PRELP: variants seen among roughly 807,000 people sequenced by gnomAD.
PRELP encodes proline and arginine rich end leucine rich repeat protein.
Under a neutral mutation model 22.8 loss-of-function variants are expected in PRELP, and 16 were observed. That is an observed-to-expected ratio of 0.70 (90% CI 0.47 to 1.06). The LOEUF (loss-of-function observed/expected upper bound fraction) is 1.06. Among genes scored for constraint, PRELP ranks in the 50% least tolerant of loss-of-function variants. PRELP has a pLI of 0.00. For synonymous variants in PRELP, 233 were observed against 211.4 expected (o/e 1.10, Z -0.89); for missense variants, 434 against 485.2 (o/e 0.89, Z 0.99).
At position 203,488,343 on chromosome 1, in the gene PRELP, ACC is replaced by A. The variant is rs1661133870; in HGVS notation, c.*1466_*1467del. 6.6e-6 allele frequency: 1 copy of A among 151,938 alleles called. No homozygotes were observed. Among genetic ancestry groups the A allele is most frequent in the East Asian group, 1.9e-4 (1 of 5,142 alleles). The allele number at this position is 151,938 out of a possible 1,614,324, so 9.4% of individuals were successfully genotyped here. A position where few individuals can be genotyped will look rare whatever the true frequency, so the allele number is the denominator to read the frequency against. ...AAACCACCCTGGGCAACATGGTGAA[ACC>A]CCCGTCTCTACTAAAATACAAAAAA... On this transcript the variant is annotated 3_prime_UTR_variant, in exon 3 of 3. Coordinates refer to ENST00000343110, the MANE Select transcript of PRELP (RefSeq NM_002725.4).
chr1:203,477,258 G>A (rs527808508), intron 1 of PRELP, among the ~76,000 whole-genome samples: 6 of 152,182 alleles, frequency 3.9e-5, no homozygotes, highest in Non-Finnish European at 5.9e-5. Flanking sequence ...GAGAATCAGG[G>A]GCCTGAGAGA....
chr1:203,490,909 A>T lies in PRELP; in HGVS notation c.*4028A>T, dbSNP rs148358463. On this transcript the variant is annotated 3_prime_UTR_variant, in exon 3 of 3. Transcript: ENST00000343110. ...ATAGCAGCACATCCTTGAGGAACTC[A>T]TACCTTGGTAAAGGGAAAGAAATCC... 1.3e-5 allele frequency: 2 copies of T among 152,372 alleles called. No individual in the cohort carries two copies. The highest frequency in any genetic ancestry group is 2.9e-5 in the Non-Finnish European group (2 of 68,044). The allele number at this position is 152,372 out of a possible 1,614,324, so 9.4% of individuals were successfully genotyped here.
Position 203,484,127 on chromosome 1 carries a change from C to T in PRELP, c.943C>T (p.His315Tyr), listed in dbSNP as rs752833483. 1.9e-6 allele frequency: 3 copies of T among 1,613,356 alleles called. 1 individual carries two copies. Among genetic ancestry groups the T allele is most frequent in the South Asian group, 2.2e-5 (2 of 91,068 alleles). Residue 315 changes from histidine (H) to tyrosine (Y), a missense_variant, in exon 2 of 3, where the codon CAC (histidine) becomes TAC (tyrosine). His to Tyr is a moderately conservative substitution (Grantham distance 83, BLOSUM62 2). Coordinates refer to ENST00000343110, the MANE Select transcript of PRELP (RefSeq NM_002725.4). The part of the protein sequence containing the change: ...SVPAINNRLE[H>Y]LYLNNNSIEK... ...GCCCGCCATCAACAACAGGCTGGAA[C>T]ACCTGTACCTCAACAACAATAGCAT...
At chr1:203,480,743 C>G (rs1340765902) in intron 1 of PRELP, among the ~76,000 whole-genome samples, 3 of 152,204 alleles carry the variant, frequency 2.0e-5, no homozygotes, top group African/African-American at 7.2e-5. Context: ...ATAACTTGCT[C>G]CTGGGAGCAT....
At chr1:203,482,819 G>A (rs1346476998) in intron 1 of PRELP, among the ~76,000 whole-genome samples, 12 of 151,386 alleles carry the variant, frequency 7.9e-5, no homozygotes, top group African/African-American at 2.7e-4. Flanking sequence ...GGATGGTCTC[G>A]ATCTCCTGAC....
chr1:203,476,918 CA>C (rs764606797), intron 1 of PRELP, among the ~76,000 whole-genome samples: 53 of 148,618 alleles, frequency 3.6e-4, no homozygotes, highest in Non-Finnish European at 7.1e-4. Flanking sequence ...TTTAGGTTGG[CA>C]AAAGGTCCTG....
chr1:203,486,727 G>T lies in PRELP; in HGVS notation c.995G>T (p.Cys332Phe), dbSNP rs568277712. ...GTAGAAATCAACGGAACCCAGATTT[G>T]CCCCAACGACCTAGTGGCGTTCCAT... The part of the protein sequence containing the change: ...SIEKINGTQI[C>F]PNDLVAFHDF... Residue 332 changes from cysteine to phenylalanine, a missense_variant, in exon 3 of 3, where the codon TGC (cysteine) becomes TTC (phenylalanine). Coordinates refer to ENST00000343110, the MANE Select transcript of PRELP (RefSeq NM_002725.4). 6.2e-7 allele frequency: 1 copy of T among 1,611,982 alleles called. No homozygotes were observed. Among genetic ancestry groups the T allele is most frequent in the Non-Finnish European group, 8.5e-7 (1 of 1,178,288 alleles).
At position 203,475,876 on chromosome 1, in the gene PRELP, GA is replaced by G. The variant is rs550980759; in HGVS notation, c.-77del. The G allele has an allele frequency of 3.2e-3, 485 of 153,164 alleles. 2 individuals are homozygous for G. The highest frequency in any genetic ancestry group is 5.8e-3 in the Non-Finnish European group (400 of 68,430). 9.5% of individuals were successfully genotyped at this position (153,164 alleles called of 1,614,324 possible). Reference sequence around the variant, plus strand: ...GGCTCTCTGCTGCCACAGCTCCGCCGAAGGGAGGGGGTGGAAGAGGAGGACT... The same window carrying G: ...GGCTCTCTGCTGCCACAGCTCCGCCGAGGGAGGGGGTGGAAGAGGAGGACT... On this transcript the variant is annotated 5_prime_UTR_variant, in exon 1 of 3. Transcript: ENST00000343110.
At chr1:203,478,391 C>T (rs554916816) in intron 1 of PRELP, among the ~76,000 whole-genome samples, 3 of 152,206 alleles carry the variant, frequency 2.0e-5, no homozygotes, top group Non-Finnish European at 2.9e-5. Flanking sequence ...TCTTCCCCAC[C>T]GCTCAGAATG....
At position 203,475,913 on chromosome 1, in the gene PRELP, C is replaced by G. The variant is rs1183266880; in HGVS notation, c.-42C>G. 1 of 152,984 alleles carries G rather than the reference C, an allele frequency of 6.5e-6. No individual in the cohort carries two copies. The highest frequency in any genetic ancestry group is 1.5e-5 in the Non-Finnish European group (1 of 68,336). The allele number at this position is 152,984 out of a possible 1,614,324, so 9.5% of individuals were successfully genotyped here. A position where few individuals can be genotyped will look rare whatever the true frequency, so the allele number is the denominator to read the frequency against. On this transcript the variant is annotated 5_prime_UTR_variant, in exon 1 of 3. Transcript: ENST00000343110. ...TGGAAGAGGAGGACTAAACTCAGAG[C>G]TGAGAGGAGAGGCAGGTGTGTGCAG...
In PRELP at chr1:203,484,100, G is replaced by A; in HGVS notation, c.916G>A (p.Val306Met). ...LHLSHNRISS[V>M]PAINNRLEHL... is the part of the protein sequence containing the mutation. ...CCTGTCCCACAACAGGATCAGCAGT[G>A]TGCCCGCCATCAACAACAGGCTGGA... Residue 306 changes from valine (V) to methionine (M), a missense_variant, in exon 2 of 3, where the codon GTG becomes ATG. By Grantham distance (21) the Val-to-Met change is conservative. Coordinates refer to ENST00000343110, the MANE Select transcript of PRELP (RefSeq NM_002725.4). The A allele has an allele frequency of 6.2e-7, 1 of 1,614,044 alleles. No individual in the cohort carries two copies. Among genetic ancestry groups the A allele is most frequent in the East Asian group, 2.2e-5 (1 of 44,878 alleles).
chr1:203,478,081 A>C (rs1051785979), intron 1 of PRELP, among the ~76,000 whole-genome samples: 1 of 152,182 alleles, frequency 6.6e-6, no homozygotes, highest in Non-Finnish European at 1.5e-5. Context: ...AAATAATATC[A>C]ACAAGACCTT....
Position 203,486,907 on chromosome 1 carries a change from C to G in PRELP, c.*26C>G, listed in dbSNP as rs931396239. The G allele has an allele frequency of 6.3e-7, 1 of 1,585,210 alleles. No individual in the cohort carries two copies. The highest frequency in any genetic ancestry group is 2.3e-5 in the East Asian group (1 of 43,828). On this transcript the variant is annotated 3_prime_UTR_variant, in exon 3 of 3. Coordinates refer to ENST00000343110, the MANE Select transcript of PRELP (RefSeq NM_002725.4). Reference sequence around the variant, plus strand: ...GCCCTACTCCGCCACCGGATCTGCTCTGACCGCACTTGAAGGCTGGGGCCC... The same window carrying G: ...GCCCTACTCCGCCACCGGATCTGCTGTGACCGCACTTGAAGGCTGGGGCCC...
rs1345146036 is a variant in PRELP at position 203,488,738 on chromosome 1, T to G, written c.*1857T>G. 1 of 152,164 alleles carries G rather than the reference T, an allele frequency of 6.6e-6. No homozygotes were observed. The highest frequency in any genetic ancestry group is 1.5e-5 in the Non-Finnish European group (1 of 68,070). 9.4% of individuals were successfully genotyped at this position (152,164 alleles called of 1,614,324 possible). A position where few individuals can be genotyped will look rare whatever the true frequency, so the allele number is the denominator to read the frequency against. ...GTGAGCAGCTTGGCAGGTCTCCAAG[T>G]GGAACCCGGTCCAGACAGGGCTGCC... On this transcript the variant is annotated 3_prime_UTR_variant, in exon 3 of 3. Transcript: ENST00000343110.
In PRELP at chr1:203,488,678, C is replaced by G. The variant is rs1196549194; in HGVS notation, c.*1797C>G. 1 of 152,224 alleles carries G rather than the reference C, an allele frequency of 6.6e-6. No individual in the cohort carries two copies. The highest frequency in any genetic ancestry group is 1.9e-4 in the East Asian group (1 of 5,188). The allele number at this position is 152,224 out of a possible 1,614,324, so 9.4% of individuals were successfully genotyped here. A position where few individuals can be genotyped will look rare whatever the true frequency, so the allele number is the denominator to read the frequency against. ...ATTTTCTGTATGGACTGTCCCTCCCCCAGAGGCTTCCCCACCCTCCATTGC... is the reference window on the plus strand; with the variant it reads ...ATTTTCTGTATGGACTGTCCCTCCCGCAGAGGCTTCCCCACCCTCCATTGC... On this transcript the variant is annotated 3_prime_UTR_variant, in exon 3 of 3. Transcript: ENST00000343110.
Position 203,483,961 on chromosome 1 carries a change from C to A in PRELP, c.777C>A (p.Asn259Lys), listed in dbSNP as rs370979066. The change falls in exon 2 of 3, where the codon AAC becomes AAA. Residue 259 changes from asparagine (N) to lysine (K), a missense_variant. Transcript: ENST00000343110. The surrounding 1 kb of genome is among the most constrained non-coding windows in gnomAD (Gnocchi z 4.4). ...LDSNKIETIP[N>K]GYFKSFPNLA... Reference sequence around the variant, plus strand: ...GTAACAAGATTGAGACCATCCCTAACGGATACTTCAAGAGCTTTCCCAATC... The same window carrying A: ...GTAACAAGATTGAGACCATCCCTAAAGGATACTTCAAGAGCTTTCCCAATC... The A allele has an allele frequency of 2.5e-6, 4 of 1,614,134 alleles. No homozygotes were observed. Among genetic ancestry groups the A allele is most frequent in the Admixed American group, 3.3e-5 (2 of 60,006 alleles).
chr1:203,487,010 G>A lies in PRELP; in HGVS notation c.*129G>A. On this transcript the variant is annotated 3_prime_UTR_variant, in exon 3 of 3. Transcript: ENST00000343110. ...TTTGCCTCCCTTATCCCACCCTCGA[G>A]GCAGGGAAAAGCCATCTATTCTTCT... 1 of 1,112,714 alleles carries A rather than the reference G, an allele frequency of 9.0e-7. No individual in the cohort carries two copies. The highest frequency in any genetic ancestry group is 1.2e-6 in the Non-Finnish European group (1 of 809,742). The allele number at this position is 1,112,714 out of a possible 1,614,324, so 68.9% of individuals were successfully genotyped here. A position where few individuals can be genotyped will look rare whatever the true frequency, so the allele number is the denominator to read the frequency against.
chr1:203,483,141 A>G lies in PRELP; in HGVS notation c.-16-28A>G. ...AACTAGTTACTGAGGGCCCAAGGAT[A>G]ATGACCTTATGTGTCTTCTCCCTGC... On this transcript the variant is annotated intron_variant, in intron 1 of 2. Coordinates refer to ENST00000343110, the MANE Select transcript of PRELP (RefSeq NM_002725.4). This position sits in a 1 kb window ranked among gnomAD's most constrained non-coding sequence, Gnocchi z 4.4. The G allele has an allele frequency of 6.7e-7, 1 of 1,485,542 alleles. No individual in the cohort carries two copies. Among genetic ancestry groups the G allele is most frequent in the Non-Finnish European group, 9.0e-7 (1 of 1,105,406 alleles). 92.0% of individuals were successfully genotyped at this position (1,485,542 alleles called of 1,614,324 possible).
Position 203,483,386 on chromosome 1 carries a change from T to G in PRELP, c.202T>G (p.Ser68Ala). The G allele has an allele frequency of 6.2e-7, 1 of 1,614,012 alleles. No individual in the cohort carries two copies. Among genetic ancestry groups the G allele is most frequent in the East Asian group, 2.2e-5 (1 of 44,838 alleles). Residue 68 changes from serine to alanine, a missense_variant, in exon 2 of 3, where the codon TCT becomes GCT. Ser to Ala is a moderately conservative substitution (Grantham distance 99, BLOSUM62 1). Transcript: ENST00000343110. The surrounding 1 kb of genome is among the most constrained non-coding windows in gnomAD (Gnocchi z 4.4). Reference protein sequence around the residue: ...LPPPLPPGPPSIFPDCPRECY... With the variant: ...LPPPLPPGPPAIFPDCPRECY... ...TCCTCCCCTCCCTCCAGGCCCTCCA[T>G]CTATCTTCCCTGACTGTCCCCGCGA...
Sources: allele counts gnomAD v4.1 joint callset (sites outside exome capture counted in the v4.1 genomes callset), GRCh38; gene constraint gnomAD v4.1.1; non-coding constraint Gnocchi (gnomAD v3.1); transcripts MANE v1.5; gene names NCBI Gene and HGNC (gene_info 2026-07-23, HGNC 2026-07-21).